The following ZFYVE26 variants were observed in gnomAD, a reference collection of about 807,000 sequenced individuals.
ZFYVE26 encodes zinc finger FYVE domain-containing protein 26.
Under a neutral mutation model 276.5 loss-of-function variants are expected in ZFYVE26, and 181 were observed. The observed-to-expected ratio is 0.65, with a 90% CI of 0.58 to 0.74. The LOEUF (loss-of-function observed/expected upper bound fraction) is 0.74, where lower values mean the gene tolerates loss of function less well. ZFYVE26 is among the 30% of genes least tolerant of loss of function. ZFYVE26 has a pLI of 0.00. For missense variants in ZFYVE26, 2,821 were observed against 3,097.9 expected (o/e 0.91, Z 2.12); for synonymous variants, 1,129 against 1,203.1 (o/e 0.94, Z 1.27).
intron 3 of ZFYVE26, among the ~76,000 whole-genome samples, chr14:67,812,719 C>A (rs1365923346): frequency 6.6e-6 from 1 of 152,150 alleles, no homozygotes; most frequent in Non-Finnish European, 1.5e-5. Flanking sequence ...AAATAAGCAA[C>A]CATTCAGATA....
At chr14:67,809,051 A>G in intron 4 of ZFYVE26, 149 bp downstream of exon 4, 2 of 737,370 alleles carry the variant, frequency 2.7e-6, no homozygotes, top group South Asian at 3.0e-5. Context: ...CCCTAACTCT[A>G]AACTCTCCTC....
At chr14:67,801,949 T>A in intron 10 of ZFYVE26, 130 bp downstream of exon 10, 1 of 1,014,124 alleles carries the variant, frequency 9.9e-7, no homozygotes, top group Non-Finnish European at 1.6e-6. Flanking sequence ...TGGATGAAAC[T>A]ATCCCTGGGT....
intron 6 of ZFYVE26, 144 bp from the exon 7 acceptor site, chr14:67,805,762 C>T: frequency 1.0e-6 from 1 of 978,022 alleles, no homozygotes; most frequent in Admixed American, 2.0e-5. Flanking sequence ...GGCGTAGTGG[C>T]TCATGCCTGT....
At position 67,783,309 on chromosome 14, in the gene ZFYVE26, G is replaced by C; in HGVS notation, c.3843C>G (p.Asn1281Lys). ...AGTAGGGCTTTCTTTCCAATGTAGG[G>C]TTCTCAGTTGTCCTCGGGGAGCTCG... is the stretch of plus-strand genomic sequence containing the variant. ...STPSSPRTTE[N>K]PTLERKPYSS... Residue 1281 changes from asparagine to lysine, a missense_variant, in exon 21 of 42, where the codon AAC (asparagine) becomes AAG (lysine). Coordinates refer to ENST00000347230, the MANE Select transcript of ZFYVE26 (RefSeq NM_015346.4). The C allele has an allele frequency of 6.2e-7, 1 of 1,613,174 alleles. No individual in the cohort carries two copies. Among genetic ancestry groups the C allele is most frequent in the Non-Finnish European group, 8.5e-7 (1 of 1,179,234 alleles).
rs767523771 is a variant in ZFYVE26 at position 67,772,059 on chromosome 14, C to A, written c.5472G>T (p.Glu1824Asp). 1 of 1,611,190 alleles carries A rather than the reference C, an allele frequency of 6.2e-7. No homozygotes were observed. The highest frequency in any genetic ancestry group is 1.1e-5 in the South Asian group (1 of 90,580). ...TESICMVCCR[E>D]HFTMFNRRHH... ...CGATGCTGCTTACCATGGTGAAGTG[C>A]TCCCTGCAGCAGACCATGCAGATAC... Residue 1824 changes from glutamate (E) to aspartate (D), a missense_variant, in exon 28 of 42, where the codon GAG becomes GAT. Glu to Asp is a conservative substitution (Grantham distance 45, BLOSUM62 2). Transcript: ENST00000347230.
chr14:67,761,001 G>T, intron 35 of ZFYVE26: 2 of 546,060 alleles, frequency 3.7e-6, no homozygotes, highest in South Asian at 4.2e-5. Context: ...TCCCAGGCCA[G>T]GTAGGGAGGC....
Position 67,772,229 on chromosome 14 carries a change from G to C in ZFYVE26, c.5321-19C>G, listed in dbSNP as rs1450197469. The C allele has an allele frequency of 1.2e-6, 2 of 1,610,572 alleles. No individual in the cohort carries two copies. The highest frequency in any genetic ancestry group is 1.7e-6 in the Non-Finnish European group (2 of 1,178,598). On this transcript the variant is annotated intron_variant, in intron 27 of 41. Transcript: ENST00000347230. ...GAGATACCTGGGAGGCAGAGCCAGA[G>C]GTCAGAGTAAAAGGTAATCAATATA... is the stretch of plus-strand genomic sequence containing the variant.
In ZFYVE26 at chr14:67,816,061, A is replaced by C; in HGVS notation, c.-83-15T>G. The C allele has an allele frequency of 4.1e-6, 4 of 975,688 alleles. No homozygotes were observed. The highest frequency in any genetic ancestry group is 4.5e-6 in the Non-Finnish European group (3 of 661,700). 60.4% of individuals were successfully genotyped at this position (975,688 alleles called of 1,614,324 possible). A position where few individuals can be genotyped will look rare whatever the true frequency, so the allele number is the denominator to read the frequency against. On this transcript the variant is annotated splice_polypyrimidine_tract_variant and intron_variant, in intron 1 of 41. Coordinates refer to ENST00000347230, the MANE Select transcript of ZFYVE26 (RefSeq NM_015346.4). Reference sequence around the variant, plus strand: ...CGGAGTACCTCCTAGAAACAACACAACGCCAGTGAGAAGAAACAGAAGGCA... The same window carrying C: ...CGGAGTACCTCCTAGAAACAACACACCGCCAGTGAGAAGAAACAGAAGGCA...
chr14:67,774,841 T>G (rs569383079), intron 27 of ZFYVE26, among the ~76,000 whole-genome samples, 175 bp downstream of exon 27: 103 of 152,098 alleles, frequency 6.8e-4, no homozygotes, highest in African/African-American at 2.4e-3. Context: ...AATAGTTGAC[T>G]GTATGTTGAA....
In ZFYVE26 at chr14:67,754,960, C is replaced by T. The variant is rs560656224; in HGVS notation, c.6986+91G>A. 5 of 1,433,878 alleles carry T rather than the reference C, an allele frequency of 3.5e-6. No homozygotes were observed. In the African/African-American group the frequency reaches 4.2e-5, roughly 12 times the overall value. The allele number at this position is 1,433,878 out of a possible 1,614,324, so 88.8% of individuals were successfully genotyped here. On this transcript the variant is annotated intron_variant, in intron 37 of 41. Coordinates refer to ENST00000347230, the MANE Select transcript of ZFYVE26 (RefSeq NM_015346.4). ...TCCCTTTAGATTTTTTTTCAGGATT[C>T]AAGGAATGGACAAGAGTAGCTTCAT...
At chr14:67,805,093 G>A (rs2040149420) in intron 8 of ZFYVE26, 124 bp downstream of exon 8, 1 of 877,492 alleles carries the variant, frequency 1.1e-6, no homozygotes, top group Non-Finnish European at 1.8e-6. Flanking sequence ...ACAATTTTTA[G>A]TAGCTGGTCA....
chr14:67,761,541 G>A lies in ZFYVE26; in HGVS notation c.6413C>T (p.Thr2138Ile), dbSNP rs775265151. ...CAGAGAAAGGCTCTGCGTCCGAAGG[G>A]TAGCTTCCAGTTCCCTCAGGGTGGC... ...YFATLRELEA[T>I]LRTQSLSLAV... Residue 2138 changes from threonine (T) to isoleucine (I), a missense_variant, in exon 35 of 42, where the codon ACC becomes ATC. Thr to Ile is a moderately conservative substitution (Grantham distance 89, BLOSUM62 -1). Transcript: ENST00000347230. The A allele has an allele frequency of 1.2e-6, 2 of 1,614,208 alleles. No individual in the cohort carries two copies. Among genetic ancestry groups the A allele is most frequent in the East Asian group, 2.2e-5 (1 of 44,890 alleles).
At position 67,790,623 on chromosome 14, in the gene ZFYVE26, T is replaced by C. The variant is rs1396431177; in HGVS notation, c.2704A>G (p.Thr902Ala). ...TGTAGAGTTGAGCGGCCACTGCCAG[T>C]TCTCCGAATGGTGCTGCTACCCGCA... ...SDAGSSTIRR[T>A]GSGRSTLQAI... Residue 902 changes from threonine to alanine, a missense_variant, in exon 15 of 42, where the codon ACT becomes GCT. Physicochemically the swap from Thr to Ala is moderately conservative, Grantham distance 58. Coordinates refer to ENST00000347230, the MANE Select transcript of ZFYVE26 (RefSeq NM_015346.4). 4 of 1,614,026 alleles carry C rather than the reference T, an allele frequency of 2.5e-6. No individual in the cohort carries two copies. The South Asian group carries it at 4.4e-5, about 18-fold the overall frequency.
intron 36 of ZFYVE26, among the ~76,000 whole-genome samples, chr14:67,755,682 C>T (rs905570604): frequency 6.6e-6 from 1 of 152,286 alleles, no homozygotes; most frequent in Middle Eastern, 3.4e-3. Flanking sequence ...TATCTTGAAA[C>T]TACCATTTAT....
At chr14:67,783,897 A>T (rs1274503268) in intron 20 of ZFYVE26, among the ~76,000 whole-genome samples, 5 of 152,358 alleles carry the variant, frequency 3.3e-5, no homozygotes, top group East Asian at 1.9e-4. Context: ...ATTTATGTAT[A>T]ATAAAGCTGT....
chr14:67,772,020 G>T (rs765491618), intron 28 of ZFYVE26, 27 bp downstream of exon 28: 3 of 1,608,044 alleles, frequency 1.9e-6, no homozygotes, highest in Non-Finnish European at 2.5e-6. Flanking sequence ...TCTCCTGAGG[G>T]TGACAGTGGA....
At position 67,769,523 on chromosome 14, in the gene ZFYVE26, C is replaced by T. The variant is rs1004805514; in HGVS notation, c.5621+71G>A. Reference sequence around the variant, plus strand: ...TTGAAATGCTCTCATAATGAGACTCCTAGGAGTGTAGGGACCTGCGGAAGG... The same window carrying T: ...TTGAAATGCTCTCATAATGAGACTCTTAGGAGTGTAGGGACCTGCGGAAGG... On this transcript the variant is annotated intron_variant, in intron 29 of 41. Coordinates refer to ENST00000347230, the MANE Select transcript of ZFYVE26 (RefSeq NM_015346.4). The T allele has an allele frequency of 1.7e-5, 27 of 1,605,854 alleles. No homozygotes were observed. In the African/African-American group the frequency reaches 2.7e-4, roughly 16 times the overall value.
rs562348210 is a variant in ZFYVE26, at chr14:67,790,735, T to C, written c.2592A>G (p.Ser864=). ...FTFNLKSSPS[S]GELMFMERYQ... ...AGCGCTCCATGAACATCAGTTCCCC[T>C]GAACTGGGTGAGGACTTCAGGTTGA... The change falls in exon 15 of 42, where the codon TCA becomes TCG. Residue 864 remains serine, a synonymous_variant. Transcript: ENST00000347230. 2.5e-6 allele frequency: 4 copies of C among 1,613,858 alleles called. No individual in the cohort carries two copies. Among genetic ancestry groups the C allele is most frequent in the Admixed American group, 1.7e-5 (1 of 60,032 alleles).
Position 67,785,151 on chromosome 14 carries a change from G to C in ZFYVE26, c.3431C>G (p.Ser1144Ter), listed in dbSNP as rs2039614836. ...LQKNLGKQTP[S>*]GSRQMDYLGT... Reference sequence around the variant, plus strand: ...CAAGTAGTCCATCTGCCTGCTGCCTGATGGGGTCTGTTTGCCCAGGTTCTT... The same window carrying C: ...CAAGTAGTCCATCTGCCTGCTGCCTCATGGGGTCTGTTTGCCCAGGTTCTT... Residue 1144 changes from serine to a stop codon, truncating the protein, a stop_gained, in exon 19 of 42, where the codon TCA becomes TGA. Transcript: ENST00000347230. LOFTEE classifies it high-confidence loss of function. The C allele has an allele frequency of 6.2e-7, 1 of 1,614,226 alleles. No individual in the cohort carries two copies. The highest frequency in any genetic ancestry group is 8.5e-7 in the Non-Finnish European group (1 of 1,180,050).
Sources: gnomAD v4.1 joint callset for allele counts (sites outside exome capture counted in the v4.1 genomes callset) on GRCh38, gnomAD v4.1.1 for gene constraint, MANE v1.5 for transcripts, NCBI Gene and HGNC (gene_info 2026-07-23, HGNC 2026-07-21) for gene names.